Variants in ARMC2 observed in about 807,000 individuals in gnomAD.
ARMC2 encodes armadillo repeat containing 2.
ARMC2 carries 67 observed loss-of-function variants against 90.3 expected under a neutral mutation model. The ratio of observed to expected loss-of-function variants is 0.74; its 90% CI spans 0.61 to 0.91. ARMC2 has a LOEUF of 0.91. ARMC2 is among the 40% of genes least tolerant of loss of function. The pLI is 0.00. For synonymous variants in ARMC2, 393 were observed against 393.0 expected (o/e 1.00, Z 0.00); for missense variants, 920 against 1,030.9 (o/e 0.89, Z 1.47).
intron 13 of ARMC2, among the ~76,000 whole-genome samples, chr6:108,954,902 T>G (rs1201562010): frequency 6.6e-6 from 1 of 152,234 alleles, no homozygotes; most frequent in African/African-American, 2.4e-5. Flanking sequence ...CTCACAGTTC[T>G]GGAAACTGGA....
the ARMC2 span, among the ~76,000 whole-genome samples, chr6:108,986,102 A>ACTT: frequency 6.6e-6 from 1 of 152,132 alleles, no homozygotes; most frequent in Admixed American, 6.6e-5. Flanking sequence ...CTTCAGTTAA[A>ACTT]CTTAGAGCTA....
chr6:108,907,913 A>T, intron 8 of ARMC2: 1 of 1,553,234 alleles, frequency 6.4e-7, no homozygotes, highest in African/African-American at 1.4e-5. Flanking sequence ...TGTTTTCTTA[A>T]GCCCGCTTAT....
At chr6:108,945,480 C>T (rs1776738935) in intron 12 of ARMC2, among the ~76,000 whole-genome samples, 1 of 152,220 alleles carries the variant, frequency 6.6e-6, no homozygotes, top group African/African-American at 2.4e-5. Context: ...ATTTAACTCT[C>T]TCCACGTTTA....
intron 7 of ARMC2, among the ~76,000 whole-genome samples, chr6:108,901,144 C>T (rs1385100310): frequency 3.1e-5 from 3 of 98,266 alleles, no homozygotes; most frequent in African/African-American, 4.0e-5. Flanking sequence ...TTGAGACAGT[C>T]GCTCTGTCAC....
At chr6:108,933,964 C>T (rs541309007) in intron 11 of ARMC2, among the ~76,000 whole-genome samples, 1 of 152,278 alleles carries the variant, frequency 6.6e-6, no homozygotes, top group African/African-American at 2.4e-5. Flanking sequence ...CAGGTTCAAG[C>T]GATTCTCCTG....
chr6:108,874,708 G>T (rs892608906), intron 4 of ARMC2, among the ~76,000 whole-genome samples: 1 of 152,156 alleles, frequency 6.6e-6, no homozygotes, highest in Non-Finnish European at 1.5e-5. Context: ...CAGAGTGGGT[G>T]CCCCGGGGGG....
At chr6:109,044,884 G>A in the ARMC2 span, among the ~76,000 whole-genome samples, 14,023 of 152,128 alleles carry the variant, frequency 0.092, 864 homozygotes, top group Middle Eastern at 0.19. Context: ...TTAGCTGAGC[G>A]TGGTGGCGCA....
intron 8 of ARMC2, chr6:108,907,685 A>G: frequency 1.2e-6 from 2 of 1,607,140 alleles, no homozygotes. Context: ...GTAGCATGCC[A>G]GCACCATGGT....
chr6:108,974,950 C>G (rs1306182412), downstream of ARMC2, among the ~76,000 whole-genome samples: 1 of 151,872 alleles, frequency 6.6e-6, no homozygotes, highest in Non-Finnish European at 1.5e-5. Context: ...TTGCACATGC[C>G]TGTAATCTCA....
Position 108,878,878 on chromosome 6 carries a change from T to G in ARMC2, c.671+2528T>G, listed in dbSNP as rs74460361. Among the ~76,000 whole-genome samples, 638 of 152,208 alleles carry G rather than the reference T, an allele frequency of 4.2e-3. 3 individuals are homozygous for G. Among genetic ancestry groups the G allele is most frequent in the African/African-American group, 0.014 (598 of 41,538 alleles). On this transcript the variant is annotated intron_variant, in intron 5 of 17. Coordinates refer to ENST00000392644, the MANE Select transcript of ARMC2 (RefSeq NM_032131.6). Reference sequence around the variant, plus strand: ...GCTGCCATTAACAAAATGTGTGTATTCTCCATCCATCCATCCACCCATTCA... The same window carrying G: ...GCTGCCATTAACAAAATGTGTGTATGCTCCATCCATCCATCCACCCATTCA...
the ARMC2 span, chr6:108,998,338 C>G: frequency 9.4e-6 from 6 of 635,374 alleles, no homozygotes; most frequent in Non-Finnish European, 1.6e-5. Flanking sequence ...ATCACCTAGA[C>G]TAGTGATGAG....
intron 3 of ARMC2, among the ~76,000 whole-genome samples, chr6:108,860,332 TC>T (rs1428222670): frequency 6.6e-6 from 1 of 152,138 alleles, no homozygotes; most frequent in Non-Finnish European, 1.5e-5. Flanking sequence ...ACTAGAGACT[TC>T]CTCTGATGCC....
At chr6:109,028,573 C>T in the ARMC2 span, among the ~76,000 whole-genome samples, 210 of 152,178 alleles carry the variant, frequency 1.4e-3, no homozygotes, top group African/African-American at 4.8e-3. Flanking sequence ...GCCTTTCTTC[C>T]GGGCAATACT....
intron 8 of ARMC2, among the ~76,000 whole-genome samples, chr6:108,908,521 A>T (rs1454206217): frequency 6.6e-6 from 1 of 152,192 alleles, no homozygotes; most frequent in East Asian, 1.9e-4. Context: ...AAAATGTGGG[A>T]GGCTGAGGTG....
At chr6:108,968,748 G>A (rs1583235404) in intron 17 of ARMC2, among the ~76,000 whole-genome samples, 1 of 152,276 alleles carries the variant, frequency 6.6e-6, no homozygotes, top group South Asian at 2.1e-4. Flanking sequence ...GAATTACCAA[G>A]GCCTGTGTTG....
In ARMC2 at chr6:108,867,406, C is replaced by T. The variant is rs139463697; in HGVS notation, c.292-1418C>T. ...GTTCCTCTACTAAGAGTATCAGCAT[C>T]GACACTTAAGAAAAGATGGGGGAAA... On this transcript the variant is annotated intron_variant, in intron 3 of 17. Coordinates refer to ENST00000392644, the MANE Select transcript of ARMC2 (RefSeq NM_032131.6). 3.5e-3 allele frequency among the ~76,000 whole-genome samples: 525 copies of T among 152,076 alleles called. 1 individual carries two copies. The highest frequency in any genetic ancestry group is 0.012 in the African/African-American group (506 of 41,482).
At chr6:108,898,749 C>T (rs1378068147) in intron 6 of ARMC2, among the ~76,000 whole-genome samples, 1 of 152,188 alleles carries the variant, frequency 6.6e-6, no homozygotes, top group Non-Finnish European at 1.5e-5. Context: ...CTGGGCTCCA[C>T]TTTCTTCACT....
intron 7 of ARMC2, among the ~76,000 whole-genome samples, chr6:108,903,429 G>C (rs1205851712): frequency 3.3e-5 from 5 of 152,018 alleles, no homozygotes; most frequent in Admixed American, 1.3e-4. Context: ...TCCAGATAAT[G>C]GTGGATTTTG....
the ARMC2 span, among the ~76,000 whole-genome samples, chr6:109,032,602 A>G: frequency 6.7e-6 from 1 of 148,412 alleles, no homozygotes; most frequent in East Asian, 1.9e-4. Context: ...TGGGTGACAG[A>G]GCAAGACTTC....
Sources: gnomAD v4.1 joint callset for allele counts (sites outside exome capture counted in the v4.1 genomes callset) on GRCh38, gnomAD v4.1.1 for gene constraint, MANE v1.5 for transcripts, NCBI Gene and HGNC (gene_info 2026-07-23, HGNC 2026-07-21) for gene names.